Variants in FRMPD4 observed in about 807,000 individuals in gnomAD.
FRMPD4 encodes FERM and PDZ domain-containing protein 4.
FRMPD4 carries 22 observed loss-of-function variants against 94.1 expected under a neutral mutation model. The observed-to-expected ratio is 0.23, with a 90% confidence interval of 0.17 to 0.33. The LOEUF is 0.33. FRMPD4 is among the 10% of genes least tolerant of loss of function. The pLI, the probability that FRMPD4 is intolerant of heterozygous loss-of-function variation, is 1.00. For missense variants in FRMPD4, 1,111 were observed against 1,339.9 expected, an observed-to-expected ratio of 0.83 and a Z score of 2.67; for synonymous variants, 631 against 548.6, an observed-to-expected ratio of 1.15 and a Z score of -2.10.
At chrX:11,902,182 G>A (rs898178167) in intron 3 of FRMPD4, among the ~76,000 whole-genome samples, 4 of 112,675 alleles carry the variant, frequency 3.6e-5, no homozygotes, top group African/African-American at 1.3e-4. Context: ...CAAATTGTAA[G>A]CAATTCTCTA....
At chrX:12,613,095 A>C (rs893954518) in intron 3 of FRMPD4, among the ~76,000 whole-genome samples, 5 of 112,353 alleles carry the variant, frequency 4.5e-5, no homozygotes, top group African/African-American at 1.6e-4. Flanking sequence ...TTTGAAAGAT[A>C]GCGTTTCAGC....
intron 1 of FRMPD4, among the ~76,000 whole-genome samples, chrX:12,295,283 G>A (rs1292825437): frequency 2.7e-5 from 3 of 112,117 alleles, no homozygotes; most frequent in Non-Finnish European, 5.6e-5. Flanking sequence ...AGGGGTGTTA[G>A]TAATATCAGC....
intron 2 of FRMPD4, 62 bp from the exon 3 acceptor site, chrX:12,609,659 C>T: frequency 1.0e-6 from 1 of 954,190 alleles, no homozygotes; most frequent in Non-Finnish European, 1.5e-6. Context: ...AATATGATTG[C>T]CAGGCCAATG....
chrX:11,958,023 A>G (rs1480736706), intron 3 of FRMPD4, among the ~76,000 whole-genome samples: 1 of 111,992 alleles, frequency 8.9e-6, no homozygotes, highest in African/African-American at 3.2e-5. Context: ...ATTTAAAAGA[A>G]CCCCCAATTG....
At chrX:12,031,082 G>A (rs1224554307) in intron 3 of FRMPD4, among the ~76,000 whole-genome samples, 4 of 112,243 alleles carry the variant, frequency 3.6e-5, no homozygotes, top group Non-Finnish European at 7.5e-5. Context: ...AAACTATAAT[G>A]TAACAACACC....
intron 3 of FRMPD4, among the ~76,000 whole-genome samples, chrX:11,977,424 T>C (rs1052442097): frequency 8.9e-6 from 1 of 112,546 alleles, no homozygotes; most frequent in Non-Finnish European, 1.9e-5. Context: ...GCGTTGACTA[T>C]CCGTTTTTAA....
At chrX:12,428,464 G>T (rs1032401636) in intron 1 of FRMPD4, among the ~76,000 whole-genome samples, 2 of 110,946 alleles carry the variant, frequency 1.8e-5, no homozygotes, top group African/African-American at 6.6e-5. Context: ...TGGATTTCTC[G>T]AACCTCTTAT....
At chrX:11,965,910 G>A (rs1161531108) in intron 3 of FRMPD4, among the ~76,000 whole-genome samples, 2 of 111,412 alleles carry the variant, frequency 1.8e-5, no homozygotes, top group Non-Finnish European at 3.8e-5. Flanking sequence ...CCTACAAAGG[G>A]GAAATAATAG....
At chrX:12,426,605 C>T (rs1426510943) in intron 1 of FRMPD4, among the ~76,000 whole-genome samples, 2 of 111,028 alleles carry the variant, frequency 1.8e-5, no homozygotes. Flanking sequence ...CTTTCTCTAC[C>T]CTTAATAGAC....
At chrX:12,480,669 CTTAGT>C (rs1269977834) in intron 1 of FRMPD4, among the ~76,000 whole-genome samples, 1 of 111,914 alleles carries the variant, frequency 8.9e-6, no homozygotes, top group Non-Finnish European at 1.9e-5. Context: ...GGCAAATGGT[CTTAGT>C]TATTTCAAGA....
intron 1 of FRMPD4, among the ~76,000 whole-genome samples, chrX:11,856,118 T>C (rs1333634257): frequency 9.0e-6 from 1 of 111,361 alleles, no homozygotes; most frequent in Non-Finnish European, 1.9e-5. Flanking sequence ...GGAAGCCGCT[T>C]ATAAAACCAT....
intron 3 of FRMPD4, among the ~76,000 whole-genome samples, chrX:11,911,431 G>T (rs2053996392): frequency 8.9e-6 from 1 of 112,498 alleles, no homozygotes; most frequent in African/African-American, 3.2e-5. Flanking sequence ...AGTGGACAAA[G>T]TTAACAGAAT....
intron 1 of FRMPD4, among the ~76,000 whole-genome samples, chrX:12,151,598 A>T (rs1028081802): frequency 2.7e-5 from 3 of 112,137 alleles, no homozygotes; most frequent in Non-Finnish European, 5.6e-5. Flanking sequence ...ATTTAAAAAG[A>T]TATATAAATG....
chrX:12,629,020 A>G (rs1427841588), intron 4 of FRMPD4, among the ~76,000 whole-genome samples: 4 of 111,887 alleles, frequency 3.6e-5, no homozygotes, highest in Non-Finnish European at 5.6e-5. Flanking sequence ...ACTCGATCTC[A>G]TGAGACTTAT....
chrX:11,881,818 T>C (rs752861121), intron 3 of FRMPD4, among the ~76,000 whole-genome samples: 1 of 112,172 alleles, frequency 8.9e-6, no homozygotes, highest in Admixed American at 9.5e-5. Flanking sequence ...TTCTTGCCCT[T>C]AAGGAGTTCA....
In FRMPD4 at chrX:12,647,637, A is replaced by G. The variant is rs147484408; in HGVS notation, c.423-27226A>G. Among the ~76,000 whole-genome samples, 1,095 of 111,666 alleles carry G rather than the reference A, an allele frequency of 9.8e-3. 11 individuals carry two copies. The highest frequency in any genetic ancestry group is 0.034 in the African/African-American group (1,037 of 30,755). On this transcript the variant is annotated intron_variant, in intron 4 of 16. Coordinates refer to ENST00000675598, the MANE Select transcript of FRMPD4 (RefSeq NM_001368397.1). The stretch of plus-strand genomic sequence containing the variant: ...ACTGCACCCCTTGAACACTCACTCT[A>G]TTGCAAATGTAATGGCCTTAACAAT...
chrX:11,944,436 G>C (rs985439867), intron 3 of FRMPD4, among the ~76,000 whole-genome samples: 1 of 111,903 alleles, frequency 8.9e-6, no homozygotes, highest in Non-Finnish European at 1.9e-5. Flanking sequence ...TTGTAACACA[G>C]ATTTTACTGT....
intron 2 of FRMPD4, among the ~76,000 whole-genome samples, chrX:12,537,371 CACA>C (rs1419034903): frequency 1.8e-5 from 2 of 110,939 alleles, no homozygotes; most frequent in South Asian, 3.8e-4. Context: ...CCAATTTACA[CACA>C]ACATTATTTA....
chrX:12,428,012 C>A (rs1369764261), intron 1 of FRMPD4, among the ~76,000 whole-genome samples: 1 of 100,908 alleles, frequency 9.9e-6, no homozygotes, highest in African/African-American at 3.7e-5. Flanking sequence ...CGGGTTCACA[C>A]CATTCTCCTG....
Sources: allele counts gnomAD v4.1 joint callset (sites outside exome capture counted in the v4.1 genomes callset), GRCh38; gene constraint gnomAD v4.1.1; transcripts MANE v1.5; gene names NCBI Gene and HGNC (gene_info 2026-07-23, HGNC 2026-07-21).